SPDYA: variants seen among roughly 807,000 people sequenced by gnomAD.
SPDYA encodes speedy protein A.
A neutral mutation model predicts 36.7 loss-of-function variants in SPDYA; 11 were observed. The ratio of observed to expected loss-of-function variants is 0.30; its 90% CI spans 0.19 to 0.50. The LOEUF is 0.50. Among genes scored for constraint, SPDYA ranks in the 20% least tolerant of loss-of-function variants. The probability of loss-of-function intolerance (pLI) is 0.98; values close to 1 mark genes in which losing one functional copy is unlikely to be tolerated. For synonymous variants in SPDYA, 115 were observed against 118.7 expected (o/e 0.97, Z 0.20); for missense variants, 287 against 370.9 (o/e 0.77, Z 1.86).
chr2:28,846,198 A>G (rs1464784540), intron 7 of SPDYA, among the ~76,000 whole-genome samples: 2 of 152,234 alleles, frequency 1.3e-5, no homozygotes, highest in Non-Finnish European at 2.9e-5. Flanking sequence ...TGAGGTCAGG[A>G]GCTCGAGACC....
intron 2 of SPDYA, 90 bp from the exon 3 acceptor site, chr2:28,815,907 A>C: frequency 2.6e-6 from 2 of 783,830 alleles, no homozygotes; most frequent in Non-Finnish European, 2.0e-6. Context: ...GTAACATTTT[A>C]TATGACTGCA....
At chr2:28,826,037 G>T (rs2148087138) in intron 5 of SPDYA, among the ~76,000 whole-genome samples, 1 of 152,054 alleles carries the variant, frequency 6.6e-6, no homozygotes, top group East Asian at 1.9e-4. Flanking sequence ...TGGCCTTCTG[G>T]CTGCTTTTAA....
chr2:28,845,814 G>C (rs1400995712), intron 7 of SPDYA, among the ~76,000 whole-genome samples: 1 of 152,042 alleles, frequency 6.6e-6, no homozygotes, highest in Non-Finnish European at 1.5e-5. Flanking sequence ...CAAAGTGCTG[G>C]GATTACAGGC....
chr2:28,841,346 C>T (rs1359660115), intron 7 of SPDYA, among the ~76,000 whole-genome samples: 3 of 151,984 alleles, frequency 2.0e-5, no homozygotes, highest in African/African-American at 7.3e-5. Flanking sequence ...AGAAAAGAAC[C>T]TTATTAGCTG....
At chr2:28,818,126 A>G in intron 3 of SPDYA, among the ~76,000 whole-genome samples, 1 of 152,122 alleles carries the variant, frequency 6.6e-6, no homozygotes, top group East Asian at 1.9e-4. Context: ...AGATCACGCC[A>G]CTGCACTCCA....
At chr2:28,821,471 G>A (rs988929481) in intron 4 of SPDYA, among the ~76,000 whole-genome samples, 18 of 152,140 alleles carry the variant, frequency 1.2e-4, no homozygotes, top group Admixed American at 6.6e-4. Flanking sequence ...AAAGTGCTGG[G>A]ATTACAGGTG....
At position 28,850,044 on chromosome 2, in the gene SPDYA, A is replaced by G; in HGVS notation, c.*103A>G. ...TGTTTAAGCAGTTTTGCTATGTTAT[A>G]CATCTTTTAGTTGTTATTTTCAAAA... On this transcript the variant is annotated 3_prime_UTR_variant, in exon 8 of 8. Transcript: ENST00000334056. The G allele has an allele frequency of 1.7e-6, 2 of 1,179,334 alleles. No homozygotes were observed. The highest frequency in any genetic ancestry group is 2.5e-6 in the Non-Finnish European group (2 of 815,928). 73.1% of individuals were successfully genotyped at this position (1,179,334 alleles called of 1,614,324 possible).
Position 28,840,413 on chromosome 2 carries a change from A to G in SPDYA, c.794A>G (p.Asn265Ser). Reference sequence around the variant, plus strand: ...GAAAAACATTCTCAGGACTCATACAACTCACTGTCAATGGACATAATAGGT... The same window carrying G: ...GAAAAACATTCTCAGGACTCATACAGCTCACTGTCAATGGACATAATAGGT... ...VTEKHSQDSYNSLSMDIIGDP... is the reference protein window; with the variant it reads ...VTEKHSQDSYSSLSMDIIGDP... The change falls in exon 7 of 8, where the codon AAC (asparagine) becomes AGC (serine). Residue 265 changes from asparagine to serine, a missense_variant. Coordinates refer to ENST00000334056, the MANE Select transcript of SPDYA (RefSeq NM_182756.4). 1.2e-6 allele frequency: 2 copies of G among 1,613,922 alleles called. No individual in the cohort carries two copies. The highest frequency in any genetic ancestry group is 8.5e-7 in the Non-Finnish European group (1 of 1,179,928).
intron 6 of SPDYA, among the ~76,000 whole-genome samples, chr2:28,830,638 T>C (rs1313940473): frequency 6.6e-6 from 1 of 152,182 alleles, no homozygotes. Flanking sequence ...TAATTTCTGC[T>C]CAATAAAGTA....
chr2:28,830,304 C>T (rs1008417043), intron 6 of SPDYA, among the ~76,000 whole-genome samples: 3 of 150,602 alleles, frequency 2.0e-5, no homozygotes, highest in Non-Finnish European at 4.4e-5. Flanking sequence ...CCCGGGTCCA[C>T]GCCATTCTCT....
At chr2:28,840,856 C>G (rs1280328874) in intron 7 of SPDYA, 2 of 802,062 alleles carry the variant, frequency 2.5e-6, no homozygotes, top group Non-Finnish European at 3.0e-6. Context: ...TAGAACCATA[C>G]TATATATCTA....
chr2:28,836,538 C>T (rs1429694283), intron 6 of SPDYA, among the ~76,000 whole-genome samples: 1 of 152,076 alleles, frequency 6.6e-6, no homozygotes, highest in African/African-American at 2.4e-5. Flanking sequence ...TGTCTCTTTT[C>T]TTTTTTTAAT....
intron 7 of SPDYA, among the ~76,000 whole-genome samples, chr2:28,846,222 T>A (rs894530376): frequency 2.0e-5 from 3 of 152,054 alleles, no homozygotes; most frequent in Non-Finnish European, 4.4e-5. Flanking sequence ...CTGGCCAACA[T>A]GGTGAAACCC....
At chr2:28,824,538 T>A (rs1345090710) in intron 5 of SPDYA, among the ~76,000 whole-genome samples, 1 of 81,938 alleles carries the variant, frequency 1.2e-5, no homozygotes, top group Non-Finnish European at 2.5e-5. Context: ...TTTTTTCTTT[T>A]TCTTTTCTTT....
intron 5 of SPDYA, among the ~76,000 whole-genome samples, chr2:28,823,650 A>ATTTCC (rs924991058): frequency 1.5e-5 from 2 of 135,342 alleles, no homozygotes; most frequent in Non-Finnish European, 3.1e-5. Flanking sequence ...AAAAGAGTAT[A>ATTTCC]TTTCCTTTTC....
At position 28,850,220 on chromosome 2, in the gene SPDYA, C is replaced by T; in HGVS notation, c.*279C>T. The T allele has an allele frequency of 1.2e-6, 2 of 1,611,608 alleles. No individual in the cohort carries two copies. Among genetic ancestry groups the T allele is most frequent in the Non-Finnish European group, 1.7e-6 (2 of 1,179,004 alleles). On this transcript the variant is annotated 3_prime_UTR_variant, in exon 8 of 8. Coordinates refer to ENST00000334056, the MANE Select transcript of SPDYA (RefSeq NM_182756.4). ...GTACTCAGTTAAGTTGTGGTTTGAC[C>T]TTCCTCAACTTGACAAGAAAAGCTA...
chr2:28,849,937 A>G lies in SPDYA; in HGVS notation c.938A>G (p.Glu313Gly). ...KSMEWFTGSE[E>G] ...ATGGAGTGGTTTACAGGAAGTGAAG[A>G]ATGAGATGGCCCAACTAAACCAATT... Residue 313 changes from glutamate to glycine, a missense_variant, in exon 8 of 8, where the codon GAA becomes GGA. Glu to Gly is a moderately conservative substitution (Grantham distance 98). Transcript: ENST00000334056. The G allele has an allele frequency of 6.3e-7, 1 of 1,586,136 alleles. No homozygotes were observed. Among genetic ancestry groups the G allele is most frequent in the Non-Finnish European group, 8.5e-7 (1 of 1,170,068 alleles).
intron 5 of SPDYA, among the ~76,000 whole-genome samples, chr2:28,824,704 G>A (rs192424921): frequency 2.0e-5 from 3 of 151,484 alleles, no homozygotes; most frequent in East Asian, 1.9e-4. Context: ...ATGCCACCAC[G>A]CCCGGCTAAT....
intron 6 of SPDYA, among the ~76,000 whole-genome samples, chr2:28,837,945 A>G (rs913369409): frequency 2.0e-5 from 3 of 151,694 alleles, no homozygotes; most frequent in African/African-American, 7.3e-5. Flanking sequence ...GCCAAGTATC[A>G]AATTTTAGGA....
Sources: allele counts gnomAD v4.1 joint callset (sites outside exome capture counted in the v4.1 genomes callset), GRCh38; gene constraint gnomAD v4.1.1; transcripts MANE v1.5; gene names NCBI Gene and HGNC (gene_info 2026-07-23, HGNC 2026-07-21).